The following REEP2 variants were observed in gnomAD, a reference collection of about 807,000 sequenced individuals.
REEP2 encodes the protein receptor accessory protein 2.
Under a neutral mutation model 32.1 loss-of-function variants are expected in REEP2, and 9 were observed. The ratio of observed to expected loss-of-function variants is 0.28; its 90% CI spans 0.17 to 0.49. REEP2 has a LOEUF of 0.49. REEP2 is among the 20% of genes least tolerant of loss of function. REEP2 has a pLI of 0.99. For missense variants in REEP2, 236 were observed against 338.0 expected (o/e 0.70, Z 2.37); for synonymous variants, 128 against 139.1 (o/e 0.92, Z 0.56).
chr5:138,446,558 G>C lies in REEP2; in HGVS notation c.*807G>C, dbSNP rs546320643. On this transcript the variant is annotated 3_prime_UTR_variant, in exon 8 of 8. Coordinates refer to ENST00000378339, the MANE Select transcript of REEP2 (RefSeq NM_001271803.2). ...CAGAGGACCCAGCCCATGAGAGAAC[G>C]GGGATCTGGGGGGCCTCTCACCTGC... 1 of 152,522 alleles carries C rather than the reference G, an allele frequency of 6.6e-6. No homozygotes were observed. The highest frequency in any genetic ancestry group is 6.5e-5 in the Admixed American group (1 of 15,276). 9.4% of individuals were successfully genotyped at this position (152,522 alleles called of 1,614,324 possible). A position where few individuals can be genotyped will look rare whatever the true frequency, so the allele number is the denominator to read the frequency against.
At chr5:138,442,809 C>T (rs1264377444) in intron 3 of REEP2, among the ~76,000 whole-genome samples, 5 of 148,228 alleles carry the variant, frequency 3.4e-5, no homozygotes, top group South Asian at 2.1e-4. Context: ...TGCAGTGAGT[C>T]GAGATCGAGC....
chr5:138,444,688 C>A, intron 4 of REEP2, 66 bp from the exon 5 acceptor site: 1 of 1,568,188 alleles, frequency 6.4e-7, no homozygotes, highest in Non-Finnish European at 8.7e-7. Flanking sequence ...GCAGGGGCCT[C>A]TGTCCAGGGG....
intron 1 of REEP2, 81 bp downstream of exon 1, chr5:138,439,321 C>A: frequency 7.5e-7 from 1 of 1,326,192 alleles, no homozygotes. Context: ...TTCTCCGAAG[C>A]TTCGTGCAGC....
intron 1 of REEP2, chr5:138,439,568 C>G (rs865931745): frequency 1.9e-4 from 95 of 497,906 alleles, no homozygotes; most frequent in Admixed American, 1.1e-3. Context: ...TCCCCTCCCC[C>G]ACCTAGCAGG....
In REEP2 at chr5:138,445,200, C is replaced by T. The variant is rs776054185; in HGVS notation, c.418-28C>T. On this transcript the variant is annotated intron_variant, in intron 5 of 7. Coordinates refer to ENST00000378339, the MANE Select transcript of REEP2 (RefSeq NM_001271803.2). ...TCTCCACCCCGCCCCTTCCCCCCGG[C>T]TCTCCCGGTGCGTGGTGGTGACCCT... 5 of 1,555,862 alleles carry T rather than the reference C, an allele frequency of 3.2e-6. No homozygotes were observed. The South Asian group carries it at 4.9e-5, about 15-fold the overall frequency.
At position 138,441,026 on chromosome 5, in the gene REEP2, G is replaced by A; in HGVS notation, c.43G>A (p.Gly15Ser). ...IISRLVVLIF[G>S]TLYPAYSSYK... Reference sequence around the variant, plus strand: ...TGCCTGCCTCCCTAGGCTCATCTTTGGCACCCTGTACCCAGCCTATTCTTC... The same window carrying A: ...TGCCTGCCTCCCTAGGCTCATCTTTAGCACCCTGTACCCAGCCTATTCTTC... The change falls in exon 2 of 8, where the codon GGC becomes AGC. Residue 15 changes from glycine (G) to serine (S), a missense_variant. By Grantham distance (56) the Gly-to-Ser change is moderately conservative. Transcript: ENST00000378339. The surrounding 1 kb of genome is among the most constrained non-coding windows in gnomAD (Gnocchi z 4.4). The A allele has an allele frequency of 6.2e-7, 1 of 1,613,172 alleles. No homozygotes were observed. The highest frequency in any genetic ancestry group is 1.3e-5 in the African/African-American group (1 of 75,024).
intron 7 of REEP2, 36 bp from the exon 8 acceptor site, chr5:138,445,647 C>G (rs746213230): frequency 3.1e-6 from 5 of 1,614,130 alleles, no homozygotes; most frequent in Non-Finnish European, 4.2e-6. Context: ...GGTGGCGGCT[C>G]CAGGCTGAGC....
intron 7 of REEP2, 40 bp downstream of exon 7, chr5:138,445,638 G>GT: frequency 6.2e-7 from 1 of 1,614,154 alleles, no homozygotes; most frequent in Admixed American, 1.7e-5. Flanking sequence ...CAGGCAGGGG[G>GT]TGGCGGCTCC....
In REEP2 at chr5:138,441,454, C is replaced by T. The variant is rs961513365; in HGVS notation, c.175C>T (p.Leu59Phe). The change falls in exon 3 of 8, where the codon CTC becomes TTC. Residue 59 changes from leucine to phenylalanine, a missense_variant. Physicochemically the swap from Leu to Phe is conservative, Grantham distance 22. Coordinates refer to ENST00000378339, the MANE Select transcript of REEP2 (RefSeq NM_001271803.2). This position sits in a 1 kb window ranked among gnomAD's most constrained non-coding sequence, Gnocchi z 4.4. ...TTAETLTDIV[L>F]SWFPFYFELK... ...GGCCGAGACGCTCACGGATATAGTG[C>T]TCTCCTGGTGAGGTCCAGCGTCCCC... is the stretch of plus-strand genomic sequence containing the variant. The T allele has an allele frequency of 1.2e-6, 2 of 1,614,078 alleles. No individual in the cohort carries two copies. Among genetic ancestry groups the T allele is most frequent in the Admixed American group, 1.7e-5 (1 of 60,026 alleles).
At position 138,445,367 on chromosome 5, in the gene REEP2, A is replaced by G. The variant is rs1763908296; in HGVS notation, c.557A>G (p.Glu186Gly). The change falls in exon 6 of 8, where the codon GAG (glutamate) becomes GGG (glycine). Residue 186 changes from glutamate (E) to glycine (G), a missense_variant. Physicochemically the swap from Glu to Gly is moderately conservative, Grantham distance 98. Transcript: ENST00000378339. ...CCTGGCAGCCTCCTGGACACCATCG[A>G]GGACTTAGGTACAGGCAGGGCCCGG... ...PSPGSLLDTIEDLGDDPALSL... is the reference protein window; with the variant it reads ...PSPGSLLDTIGDLGDDPALSL... 1.2e-6 allele frequency: 2 copies of G among 1,612,540 alleles called. No homozygotes were observed. Among genetic ancestry groups the G allele is most frequent in the Non-Finnish European group, 1.7e-6 (2 of 1,179,250 alleles).
In REEP2 at chr5:138,440,954, G is replaced by C. The variant is rs1763812579; in HGVS notation, c.33-62G>C. 21 of 1,604,948 alleles carry C rather than the reference G, an allele frequency of 1.3e-5. No homozygotes were observed. The South Asian group carries it at 2.3e-4, about 18-fold the overall frequency. On this transcript the variant is annotated intron_variant, in intron 1 of 7. Coordinates refer to ENST00000378339, the MANE Select transcript of REEP2 (RefSeq NM_001271803.2). ...TTACTTACCCAGGGGCTGATGCGGA[G>C]CTGGGAGGGAGAGGCCACTGCCCTT...
chr5:138,445,626 A>G (rs1469110208), intron 7 of REEP2, 28 bp downstream of exon 7: 8 of 1,614,106 alleles, frequency 5.0e-6, no homozygotes, highest in Non-Finnish European at 6.8e-6. Flanking sequence ...AGCTTGGGGA[A>G]ACAGGCAGGG....
chr5:138,444,320 G>A (rs1474935293), intron 3 of REEP2, 95 bp from the exon 4 acceptor site: 6 of 1,449,760 alleles, frequency 4.1e-6, no homozygotes, highest in Non-Finnish European at 5.6e-6. Flanking sequence ...AAGAGTGAGG[G>A]GCTGTGCAGG....
At chr5:138,445,138 G>A (rs958545186) in intron 5 of REEP2, 90 bp from the exon 6 acceptor site, 48 of 1,416,432 alleles carry the variant, frequency 3.4e-5, no homozygotes, top group Admixed American at 6.6e-5. Flanking sequence ...GGAGGGCACC[G>A]AGCCTGGGGC....
intron 1 of REEP2, among the ~76,000 whole-genome samples, 168 bp downstream of exon 1, chr5:138,439,408 G>T (rs1410052346): frequency 6.6e-6 from 1 of 152,150 alleles, no homozygotes; most frequent in Non-Finnish European, 1.5e-5. Context: ...ACTGGAGGGG[G>T]GAATATTAGG....
At position 138,446,030 on chromosome 5, in the gene REEP2, G is replaced by T. The variant is rs567743349; in HGVS notation, c.*279G>T. ...ACTGCTCGGCCTCCACCGCTGTTCC[G>T]CTGCAGCCCCGCCCTGCCCCACCCA... On this transcript the variant is annotated 3_prime_UTR_variant, in exon 8 of 8. Transcript: ENST00000378339. 5 of 474,858 alleles carry T rather than the reference G, an allele frequency of 1.1e-5. No individual in the cohort carries two copies. The highest frequency in any genetic ancestry group is 1.9e-5 in the Non-Finnish European group (5 of 266,662). The allele number at this position is 474,858 out of a possible 1,614,324, so 29.4% of individuals were successfully genotyped here.
rs978728061 is a variant in REEP2 at position 138,446,780 on chromosome 5, C to T, written c.*1029C>T. The T allele has an allele frequency of 2.0e-5, 3 of 152,328 alleles. No individual in the cohort carries two copies. Among genetic ancestry groups the T allele is most frequent in the Non-Finnish European group, 4.4e-5 (3 of 68,150 alleles). 9.4% of individuals were successfully genotyped at this position (152,328 alleles called of 1,614,324 possible). ...ACCAAGCAGACTGGGCCCTAAGACC[C>T]CTGGCAGAACCCAGCCTCTGCTCAC... On this transcript the variant is annotated 3_prime_UTR_variant, in exon 8 of 8. Coordinates refer to ENST00000378339, the MANE Select transcript of REEP2 (RefSeq NM_001271803.2).
chr5:138,445,801 G>T lies in REEP2; in HGVS notation c.*50G>T. 9.0e-6 allele frequency: 14 copies of T among 1,562,938 alleles called. No individual in the cohort carries two copies. The highest frequency in any genetic ancestry group is 1.1e-5 in the Non-Finnish European group (13 of 1,145,964). On this transcript the variant is annotated 3_prime_UTR_variant, in exon 8 of 8. Transcript: ENST00000378339. The stretch of plus-strand genomic sequence containing the variant: ...GAGCAAGGATGAAGCCTCAGGAGGG[G>T]CCTCAGACCCAGCCCCTGCTCCACA...
chr5:138,444,262 G>A, intron 3 of REEP2, 153 bp from the exon 4 acceptor site: 1 of 811,540 alleles, frequency 1.2e-6, no homozygotes, highest in East Asian at 2.7e-5. Context: ...GACCCTTTCA[G>A]ATTAGAAAGG....
Sources: gnomAD v4.1 joint callset for allele counts (sites outside exome capture counted in the v4.1 genomes callset) on GRCh38, gnomAD v4.1.1 for gene constraint, Gnocchi (gnomAD v3.1) non-coding constraint, MANE v1.5 for transcripts, NCBI Gene and HGNC (gene_info 2026-07-23, HGNC 2026-07-21) for gene names.